Variants in ROBO1 observed in about 807,000 individuals in gnomAD.
ROBO1 encodes the protein roundabout homolog 1.
A neutral mutation model predicts 195.9 loss-of-function variants in ROBO1; 149 were observed. That is an observed-to-expected ratio of 0.76 (90% CI 0.67 to 0.87). The LOEUF (loss-of-function observed/expected upper bound fraction) is 0.87. ROBO1 is among the 40% of genes least tolerant of loss of function. The pLI is 0.00. For synonymous variants in ROBO1, 816 were observed against 733.2 expected (o/e 1.11, Z -1.82); for missense variants, 1,933 against 2,068.3 (o/e 0.93, Z 1.27).
chr3:78,625,214 G>A (rs140230817), intron 26 of ROBO1, among the ~76,000 whole-genome samples: 150 of 152,250 alleles, frequency 9.9e-4, no homozygotes, highest in African/African-American at 3.5e-3. Context: ...TGGAAACTAA[G>A]GAGCAAAATC....
intron 19 of ROBO1, among the ~76,000 whole-genome samples, chr3:78,648,754 A>G (rs929399784): frequency 2.6e-5 from 4 of 152,060 alleles, no homozygotes; most frequent in African/African-American, 9.7e-5. Flanking sequence ...AATCTTTAGT[A>G]GAAACAAACT....
intron 2 of ROBO1, among the ~76,000 whole-genome samples, chr3:79,174,661 A>C (rs2081233358): frequency 6.6e-6 from 1 of 151,970 alleles, no homozygotes; most frequent in African/African-American, 2.4e-5. Context: ...TTTGCTAATA[A>C]TCAGCTATAA....
chr3:79,625,916 T>A (rs1332735936), intron 1 of ROBO1, among the ~76,000 whole-genome samples: 1 of 152,084 alleles, frequency 6.6e-6, no homozygotes, highest in Non-Finnish European at 1.5e-5. Flanking sequence ...AAAAGAAGAC[T>A]TCAGGCCAAT....
chr3:78,796,865 C>G (rs2084199741), intron 4 of ROBO1, among the ~76,000 whole-genome samples: 2 of 152,158 alleles, frequency 1.3e-5, no homozygotes, highest in Non-Finnish European at 1.5e-5. Context: ...TGGTCAAAAT[C>G]CAAATGGCTT....
chr3:79,702,896 C>T (rs367645050), intron 1 of ROBO1, among the ~76,000 whole-genome samples: 11 of 152,034 alleles, frequency 7.2e-5, no homozygotes, highest in South Asian at 2.1e-4. Flanking sequence ...TAATCCTACT[C>T]GTGGCTTCTG....
At chr3:78,688,091 AC>A (rs758997837) in intron 9 of ROBO1, among the ~76,000 whole-genome samples, 24 of 152,198 alleles carry the variant, frequency 1.6e-4, no homozygotes, top group Non-Finnish European at 2.8e-4. Flanking sequence ...ATATATAAAA[AC>A]TTGAAGTTCA....
At chr3:79,227,058 C>T (rs1177355693) in intron 2 of ROBO1, among the ~76,000 whole-genome samples, 1 of 152,170 alleles carries the variant, frequency 6.6e-6, no homozygotes, top group Non-Finnish European at 1.5e-5. Context: ...TACTTCTGAT[C>T]CATACTCTAA....
intron 1 of ROBO1, among the ~76,000 whole-genome samples, chr3:79,696,118 A>C (rs1377657812): frequency 6.6e-6 from 1 of 151,466 alleles, no homozygotes; most frequent in Non-Finnish European, 1.5e-5. Flanking sequence ...TGTTTGTGGG[A>C]TATATTGATA....
At chr3:79,513,691 A>G (rs1940820347) in intron 2 of ROBO1, among the ~76,000 whole-genome samples, 1 of 127,534 alleles carries the variant, frequency 7.8e-6, no homozygotes, top group African/African-American at 3.4e-5. Flanking sequence ...GTTAATAAAA[A>G]TAACCTGAAT....
chr3:78,767,554 C>A (rs993558639), intron 4 of ROBO1, among the ~76,000 whole-genome samples: 1 of 152,204 alleles, frequency 6.6e-6, no homozygotes, highest in South Asian at 2.1e-4. Flanking sequence ...GCATGAGCCA[C>A]TGTGCCCAGC....
chr3:79,347,013 TA>T (rs1233915363), intron 2 of ROBO1, among the ~76,000 whole-genome samples: 5 of 151,574 alleles, frequency 3.3e-5, no homozygotes, highest in Non-Finnish European at 7.4e-5. Flanking sequence ...TGGTGATAAG[TA>T]AAAAAAATAG....
At chr3:79,567,286 C>T (rs1943120620) in intron 2 of ROBO1, among the ~76,000 whole-genome samples, 1 of 151,966 alleles carries the variant, frequency 6.6e-6, no homozygotes, top group Non-Finnish European at 1.5e-5. Context: ...GAGTATCGGG[C>T]ACTAGGCTTA....
intron 1 of ROBO1, among the ~76,000 whole-genome samples, chr3:79,671,931 T>C (rs1946644189): frequency 6.6e-6 from 1 of 151,948 alleles, no homozygotes; most frequent in Non-Finnish European, 1.5e-5. Context: ...ATAACTAAAT[T>C]GTGCTGGTCC....
chr3:78,740,787 C>G (rs2082512968), intron 5 of ROBO1, among the ~76,000 whole-genome samples: 1 of 152,000 alleles, frequency 6.6e-6, no homozygotes, highest in Non-Finnish European at 1.5e-5. Flanking sequence ...GAACTTTTTT[C>G]AATTGACTTT....
chr3:79,731,132 C>A (rs2107354455), intron 1 of ROBO1, among the ~76,000 whole-genome samples: 1 of 152,226 alleles, frequency 6.6e-6, no homozygotes, highest in Non-Finnish European at 1.5e-5. Flanking sequence ...ATAATTGCCC[C>A]ACTTTAATAT....
chr3:79,637,715 A>G (rs965458353), intron 1 of ROBO1, among the ~76,000 whole-genome samples: 7 of 152,136 alleles, frequency 4.6e-5, no homozygotes, highest in Admixed American at 2.6e-4. Context: ...ATGGTTTAAC[A>G]CATAACACAA....
At chr3:79,160,982 T>G (rs2080949978) in intron 2 of ROBO1, among the ~76,000 whole-genome samples, 1 of 152,088 alleles carries the variant, frequency 6.6e-6, no homozygotes, top group African/African-American at 2.4e-5. Context: ...TTTCCGAGTT[T>G]AATAATCATA....
At chr3:79,748,740 C>T (rs932886485) in intron 1 of ROBO1, among the ~76,000 whole-genome samples, 15 of 152,142 alleles carry the variant, frequency 9.9e-5, no homozygotes, top group African/African-American at 2.7e-4. Context: ...GCTTTAAAAA[C>T]AGGAGTTTGC....
intron 2 of ROBO1, among the ~76,000 whole-genome samples, chr3:79,213,860 C>T (rs1359462401): frequency 8.7e-6 from 1 of 115,076 alleles, no homozygotes; most frequent in Non-Finnish European, 1.6e-5. Flanking sequence ...GAGTCTCATT[C>T]TGTCACCCAG....
Sources: allele counts gnomAD v4.1 joint callset (sites outside exome capture counted in the v4.1 genomes callset), GRCh38; gene constraint gnomAD v4.1.1; transcripts MANE v1.5; gene names NCBI Gene and HGNC (gene_info 2026-07-23, HGNC 2026-07-21).